Variants in CDH9 observed in about 807,000 individuals in gnomAD.
CDH9 encodes the protein cadherin-9.
In CDH9, 28 loss-of-function variants were observed where a neutral mutation model predicts 70.9. That is an observed-to-expected ratio of 0.40 (90% CI 0.29 to 0.54). The LOEUF is 0.54. Ranked by LOEUF, CDH9 falls within the 20% of genes least tolerant of loss-of-function variation. CDH9 has a pLI of 0.59. For missense variants in CDH9, 874 were observed against 984.4 expected (o/e 0.89, Z 1.50); for synonymous variants, 409 against 343.1 (o/e 1.19, Z -2.12).
intron 2 of CDH9, among the ~76,000 whole-genome samples, chr5:26,926,838 A>G (rs1027748349): frequency 6.0e-5 from 9 of 151,180 alleles, no homozygotes; most frequent in African/African-American, 2.2e-4. Context: ...AAAACAAGAA[A>G]TGGGGAAAGG....
At chr5:26,921,280 A>T (rs894488692) in intron 2 of CDH9, among the ~76,000 whole-genome samples, 1 of 152,150 alleles carries the variant, frequency 6.6e-6, no homozygotes, top group Non-Finnish European at 1.5e-5. Context: ...TCTGTAGTTA[A>T]CCTGTCAGAA....
At position 27,027,590 on chromosome 5, in the gene CDH9, A is replaced by G. The variant is rs79634712; in HGVS notation, c.-50+10873T>C. ...TTAGAAGACTTTCTCAAACTCACACATGAAGTATAGAGTATAACTAATTTT... is the reference window on the plus strand; with the variant it reads ...TTAGAAGACTTTCTCAAACTCACACGTGAAGTATAGAGTATAACTAATTTT... On this transcript the variant is annotated intron_variant, in intron 1 of 11. Coordinates refer to ENST00000231021, the MANE Select transcript of CDH9 (RefSeq NM_016279.4). 3.5e-3 allele frequency among the ~76,000 whole-genome samples: 526 copies of G among 152,178 alleles called. 5 individuals carry two copies. Among genetic ancestry groups the G allele is most frequent in the African/African-American group, 0.012 (502 of 41,570 alleles).
At chr5:26,931,017 T>C (rs1479682) in intron 2 of CDH9, among the ~76,000 whole-genome samples, 14,578 of 152,216 alleles carry the variant, frequency 0.096, 876 homozygotes, top group East Asian at 0.17. Context: ...ATGCAATGTA[T>C]TTCCACTATA....
At chr5:26,920,894 G>A (rs1347685213) in intron 2 of CDH9, among the ~76,000 whole-genome samples, 2 of 152,156 alleles carry the variant, frequency 1.3e-5, no homozygotes, top group East Asian at 1.9e-4. Context: ...CAAGAAGGAC[G>A]AGTCAAACAA....
chr5:26,977,510 G>A (rs1742324094), intron 2 of CDH9, among the ~76,000 whole-genome samples: 1 of 135,686 alleles, frequency 7.4e-6, no homozygotes, highest in Non-Finnish European at 1.5e-5. Flanking sequence ...TATATATATG[G>A]CACTAAATAA....
At chr5:26,987,976 G>T (rs1742515119) in intron 2 of CDH9, 130 bp downstream of exon 2, 1 of 650,678 alleles carries the variant, frequency 1.5e-6, no homozygotes, top group Non-Finnish European at 2.6e-6. Context: ...AAAATAGTTT[G>T]CAATATCACA....
At chr5:26,985,701 T>A (rs1241062449) in intron 2 of CDH9, among the ~76,000 whole-genome samples, 2 of 152,054 alleles carry the variant, frequency 1.3e-5, no homozygotes, top group East Asian at 3.9e-4. Context: ...CCTTTCCCAA[T>A]CCTGGTCCGT....
intron 5 of CDH9, 140 bp from the exon 6 acceptor site, chr5:26,903,964 A>G: frequency 1.8e-6 from 1 of 546,080 alleles, no homozygotes. Flanking sequence ...TCAAAATTGT[A>G]TATTTATTAA....
At chr5:26,919,441 C>T (rs1484268162) in intron 2 of CDH9, among the ~76,000 whole-genome samples, 1 of 152,170 alleles carries the variant, frequency 6.6e-6, no homozygotes, top group East Asian at 1.9e-4. Context: ...AGTCCTGCTA[C>T]CATGGGCTAA....
At chr5:26,935,094 T>A (rs993599741) in intron 2 of CDH9, among the ~76,000 whole-genome samples, 1 of 152,150 alleles carries the variant, frequency 6.6e-6, no homozygotes, top group Non-Finnish European at 1.5e-5. Flanking sequence ...CAGAAGTGAA[T>A]TAGGTAATCT....
chr5:26,912,435 T>G lies in CDH9; in HGVS notation c.523+3195A>C, dbSNP rs543424433. Among the ~76,000 whole-genome samples, 251 of 151,626 alleles carry G rather than the reference T, an allele frequency of 1.7e-3. 1 individual carries two copies. The highest frequency in any genetic ancestry group is 5.4e-3 in the African/African-American group (226 of 41,480). The stretch of plus-strand genomic sequence containing the variant: ...AAAAGATCAATACAAGTTTATGAGG[T>G]AAAATATATCTACTTTTTATTTAGA... On this transcript the variant is annotated intron_variant, in intron 3 of 11. Transcript: ENST00000231021.
At chr5:27,021,559 C>G (rs534097141) in intron 1 of CDH9, among the ~76,000 whole-genome samples, 1 of 151,880 alleles carries the variant, frequency 6.6e-6, no homozygotes, top group South Asian at 2.1e-4. Context: ...CATGAATACT[C>G]TTTTAAAATA....
At chr5:26,974,450 G>A (rs1254985360) in intron 2 of CDH9, among the ~76,000 whole-genome samples, 1 of 151,972 alleles carries the variant, frequency 6.6e-6, no homozygotes. Context: ...TCAGTGCCGT[G>A]ATTACAATAG....
At chr5:26,908,069 AGGCTTT>A (rs1318104553) in intron 3 of CDH9, among the ~76,000 whole-genome samples, 1 of 152,184 alleles carries the variant, frequency 6.6e-6, no homozygotes, top group Non-Finnish European at 1.5e-5. Flanking sequence ...CAATTGAGCA[AGGCTTT>A]TTAATGTTTT....
rs116406580 is a variant in CDH9, at chr5:26,971,329, T to A, written c.228+16777A>T. Among the ~76,000 whole-genome samples, 555 of 152,276 alleles carry A rather than the reference T, an allele frequency of 3.6e-3. 7 individuals carry two copies. The highest frequency in any genetic ancestry group is 0.013 in the African/African-American group (535 of 41,558). On this transcript the variant is annotated intron_variant, in intron 2 of 11. Coordinates refer to ENST00000231021, the MANE Select transcript of CDH9 (RefSeq NM_016279.4). ...AACGAAGGTTTTAGCCTTGAACACATCATTTTCAAGAGGCAATTTTTACAC... is the reference window on the plus strand; with the variant it reads ...AACGAAGGTTTTAGCCTTGAACACAACATTTTCAAGAGGCAATTTTTACAC...
At chr5:27,026,107 A>G (rs1405561424) in intron 1 of CDH9, among the ~76,000 whole-genome samples, 1 of 151,918 alleles carries the variant, frequency 6.6e-6, no homozygotes, top group Admixed American at 6.6e-5. Context: ...CTAACTTTGT[A>G]TACATAAAAA....
intron 7 of CDH9, among the ~76,000 whole-genome samples, chr5:26,902,158 A>T (rs1271375720): frequency 6.6e-6 from 1 of 151,946 alleles, no homozygotes; most frequent in Non-Finnish European, 1.5e-5. Flanking sequence ...TTTGCTAATA[A>T]ACAATGGGCA....
intron 2 of CDH9, among the ~76,000 whole-genome samples, chr5:26,977,276 C>T (rs906990709): frequency 2.6e-5 from 4 of 151,802 alleles, no homozygotes; most frequent in African/African-American, 9.7e-5. Flanking sequence ...ATCTAAAGGA[C>T]TTTGAAAGTC....
chr5:26,986,805 A>G (rs1742495174), intron 2 of CDH9, among the ~76,000 whole-genome samples: 1 of 152,116 alleles, frequency 6.6e-6, no homozygotes, highest in Non-Finnish European at 1.5e-5. Context: ...GTGATGTTAA[A>G]TGAGGGATGC....
Sources: gnomAD v4.1 joint callset for allele counts (sites outside exome capture counted in the v4.1 genomes callset) on GRCh38, gnomAD v4.1.1 for gene constraint, MANE v1.5 for transcripts, NCBI Gene and HGNC (gene_info 2026-07-23, HGNC 2026-07-21) for gene names.